Variants in WWOX observed in about 807,000 individuals in gnomAD.
WWOX encodes WW domain containing oxidoreductase.
WWOX carries 69 observed loss-of-function variants against 46.2 expected under a neutral mutation model. That is an observed-to-expected ratio of 1.49 (90% CI 1.23 to 1.82). WWOX has a LOEUF of 1.82. Ranked by LOEUF, WWOX falls within the 40% of genes most tolerant of loss-of-function variation. WWOX has a pLI of 0.00. For missense variants in WWOX, 919 were observed against 542.6 expected, an observed-to-expected ratio of 1.69 and a Z score of -6.89; for synonymous variants, 359 against 202.6, an observed-to-expected ratio of 1.77 and a Z score of -6.56.
chr16:78,327,942 T>C (rs965564861), intron 5 of WWOX, among the ~76,000 whole-genome samples: 2 of 146,024 alleles, frequency 1.4e-5, no homozygotes, highest in African/African-American at 5.0e-5. Context: ...AGTTGTACAA[T>C]CTTGGCTCAT....
chr16:78,977,375 G>A (rs186962516), intron 8 of WWOX, among the ~76,000 whole-genome samples: 22 of 152,208 alleles, frequency 1.4e-4, no homozygotes, highest in Admixed American at 9.8e-4. Flanking sequence ...TGCCTTATTC[G>A]TTATGACCAT....
intron 8 of WWOX, among the ~76,000 whole-genome samples, chr16:78,946,698 TGG>T (rs1177682313): frequency 6.6e-6 from 1 of 152,048 alleles, no homozygotes; most frequent in Non-Finnish European, 1.5e-5. Context: ...GAAAACTGTG[TGG>T]TGCGTCTGTT....
chr16:78,674,223 G>A (rs559223638), intron 8 of WWOX, among the ~76,000 whole-genome samples: 3 of 151,524 alleles, frequency 2.0e-5, no homozygotes, highest in South Asian at 4.2e-4. Context: ...AACATAGGGT[G>A]CATAAGAGAG....
intron 8 of WWOX, among the ~76,000 whole-genome samples, chr16:79,067,438 A>G (rs1274582059): frequency 6.6e-6 from 1 of 151,678 alleles, no homozygotes; most frequent in Non-Finnish European, 1.5e-5. Flanking sequence ...TGAAAACTCC[A>G]CGTTTGGGCT....
intron 8 of WWOX, among the ~76,000 whole-genome samples, chr16:78,562,121 A>AGT (rs2044454526): frequency 6.6e-6 from 1 of 152,168 alleles, no homozygotes; most frequent in Non-Finnish European, 1.5e-5. Context: ...TTATCCAAAC[A>AGT]AATTGGATGC....
rs561508604 is a variant in WWOX, at chr16:78,458,791, G to T, written c.1056+26039G>T. ...GTACTAGTGTCTGCTAATAGGTGGC[G>T]CCACTTTTTATCTGTGTGTGTTGGG... On this transcript the variant is annotated intron_variant, in intron 8 of 8. Transcript: ENST00000566780. Among the ~76,000 whole-genome samples the T allele has an allele frequency of 1.8e-3, 279 of 152,106 alleles. 1 individual carries two copies. The highest frequency in any genetic ancestry group is 6.4e-3 in the African/African-American group (267 of 41,486).
At chr16:78,647,183 C>G (rs926608369) in intron 8 of WWOX, among the ~76,000 whole-genome samples, 1 of 152,198 alleles carries the variant, frequency 6.6e-6, no homozygotes, top group Non-Finnish European at 1.5e-5. Flanking sequence ...CTGGGAATCA[C>G]TGAACCAACA....
At chr16:79,151,190 C>G (rs1200176943) in intron 8 of WWOX, among the ~76,000 whole-genome samples, 3 of 152,188 alleles carry the variant, frequency 2.0e-5, no homozygotes, top group Non-Finnish European at 4.4e-5. Context: ...AAAAGTGGCA[C>G]CACCTCTTAA....
At chr16:79,033,633 G>A (rs993169699) in intron 8 of WWOX, among the ~76,000 whole-genome samples, 1 of 152,000 alleles carries the variant, frequency 6.6e-6, no homozygotes, top group Non-Finnish European at 1.5e-5. Context: ...ATATTGTTGT[G>A]CTAACATCAT....
At chr16:78,457,427 G>A (rs1022250641) in intron 8 of WWOX, among the ~76,000 whole-genome samples, 60 of 152,290 alleles carry the variant, frequency 3.9e-4, no homozygotes, top group African/African-American at 1.4e-3. Context: ...TGTCTTCCAC[G>A]TACGTCCTGA....
chr16:78,899,939 C>G (rs893627328), intron 8 of WWOX, among the ~76,000 whole-genome samples: 7 of 152,192 alleles, frequency 4.6e-5, no homozygotes, highest in Admixed American at 3.9e-4. Flanking sequence ...TTCCATGAAG[C>G]TGTACCCTTG....
intron 8 of WWOX, among the ~76,000 whole-genome samples, chr16:79,022,931 C>T (rs1000338846): frequency 1.3e-5 from 2 of 152,100 alleles, no homozygotes; most frequent in Non-Finnish European, 2.9e-5. Flanking sequence ...CTGAAAAATG[C>T]ATCTGCTAAT....
intron 8 of WWOX, among the ~76,000 whole-genome samples, chr16:78,440,556 G>C (rs972760838): frequency 2.6e-5 from 4 of 151,894 alleles, no homozygotes; most frequent in African/African-American, 7.2e-5. Context: ...AGAGTCCCTG[G>C]AATTTCTTCT....
intron 8 of WWOX, among the ~76,000 whole-genome samples, chr16:78,517,270 A>G (rs796799593): frequency 6.6e-6 from 1 of 152,270 alleles, no homozygotes; most frequent in African/African-American, 2.4e-5. Flanking sequence ...GTAACTTGGT[A>G]CCCAAATGCC....
rs75570120 is a variant in WWOX, at chr16:78,101,579, C to G, written c.107+1694C>G. Among the ~76,000 whole-genome samples the G allele has an allele frequency of 5.7e-3, 870 of 152,158 alleles. 8 individuals carry two copies. The highest frequency in any genetic ancestry group is 0.02 in the African/African-American group (827 of 41,548). ...CAAGTGATCCGCCCACCTCGGCCCC[C>G]CAAAGTGTTGGCATTACAGACAGGA... On this transcript the variant is annotated intron_variant, in intron 1 of 8. Transcript: ENST00000566780.
At chr16:78,944,518 A>G (rs141864796) in intron 8 of WWOX, among the ~76,000 whole-genome samples, 1 of 152,192 alleles carries the variant, frequency 6.6e-6, no homozygotes, top group African/African-American at 2.4e-5. Flanking sequence ...TTTATATTTG[A>G]TTTGTCTTGC....
chr16:79,058,278 C>G (rs75916596), intron 8 of WWOX, among the ~76,000 whole-genome samples: 2,162 of 152,110 alleles, frequency 0.014, 39 homozygotes, highest in African/African-American at 0.048. Context: ...TCTATTTTCT[C>G]TATATAAAAT....
chr16:78,696,163 C>A (rs2048094748), intron 8 of WWOX, among the ~76,000 whole-genome samples: 1 of 152,172 alleles, frequency 6.6e-6, no homozygotes, highest in African/African-American at 2.4e-5. Context: ...TCCCTGCCTA[C>A]CTAGGGGCTA....
chr16:78,630,473 A>G (rs1054893439), intron 8 of WWOX, among the ~76,000 whole-genome samples: 5 of 152,192 alleles, frequency 3.3e-5, no homozygotes, highest in East Asian at 1.9e-4. Flanking sequence ...TACGTGGCCA[A>G]CTTCCAATAA....
Sources: gnomAD v4.1 joint callset for allele counts (sites outside exome capture counted in the v4.1 genomes callset) on GRCh38, gnomAD v4.1.1 for gene constraint, MANE v1.5 for transcripts, NCBI Gene and HGNC (gene_info 2026-07-23, HGNC 2026-07-21) for gene names.